Variants in MARCHF1 observed in about 807,000 individuals in gnomAD.
The protein encoded by MARCHF1 is E3 ubiquitin-protein ligase MARCHF1.
A neutral mutation model predicts 54.2 loss-of-function variants in MARCHF1; 40 were observed. The ratio of observed to expected loss-of-function variants is 0.74; its 90% CI spans 0.57 to 0.96. The LOEUF (loss-of-function observed/expected upper bound fraction) is 0.96. Among genes scored for constraint, MARCHF1 ranks in the 40% least tolerant of loss-of-function variants. The probability of loss-of-function intolerance (pLI) is 0.00; values close to 1 mark genes in which losing one functional copy is unlikely to be tolerated. For missense variants in MARCHF1, 586 were observed against 656.5 expected (o/e 0.89, Z 1.17); for synonymous variants, 236 against 236.3 (o/e 1.00, Z 0.01).
intron 3 of MARCHF1, among the ~76,000 whole-genome samples, chr4:163,876,036 T>C (rs1494285): frequency 0.85 from 128,616 of 152,132 alleles, 54,555 homozygotes; most frequent in East Asian, 0.97. Flanking sequence ...ATAAAAAACC[T>C]TTATTTGATT....
At chr4:164,095,717 AC>A (rs758661836) in intron 2 of MARCHF1, among the ~76,000 whole-genome samples, 7 of 152,080 alleles carry the variant, frequency 4.6e-5, no homozygotes, top group Admixed American at 6.6e-5. Flanking sequence ...CCAAAACTCA[AC>A]CAAAAAACTT....
intron 9 of MARCHF1, among the ~76,000 whole-genome samples, chr4:163,534,983 T>C: frequency 6.6e-6 from 1 of 152,012 alleles, no homozygotes; most frequent in East Asian, 1.9e-4. Context: ...TTTATACTTA[T>C]TTATAAATTT....
intron 5 of MARCHF1, among the ~76,000 whole-genome samples, chr4:163,650,571 A>T (rs1365316581): frequency 1.3e-5 from 2 of 151,998 alleles, no homozygotes; most frequent in African/African-American, 4.8e-5. Context: ...TAGTACATGT[A>T]CTATGTTAGT....
Position 163,659,707 on chromosome 4 carries a change from G to GA in MARCHF1, c.162+41105dup, listed in dbSNP as rs536386145. 5.4e-3 allele frequency among the ~76,000 whole-genome samples: 803 copies of GA among 147,994 alleles called. 5 individuals carry two copies. The highest frequency in any genetic ancestry group is 0.018 in the African/African-American group (749 of 40,688). On this transcript the variant is annotated intron_variant, in intron 5 of 9. Coordinates refer to ENST00000514618, the MANE Select transcript of MARCHF1 (RefSeq NM_001394959.1). ...ACAAGGAATTTAAACAAATTTACAA[G>GA]AAAAAAAAAACCCCATCAAAAAGTG... is the stretch of plus-strand genomic sequence containing the variant.
chr4:164,128,390 A>G (rs1024165290), intron 1 of MARCHF1, among the ~76,000 whole-genome samples: 1 of 152,132 alleles, frequency 6.6e-6, no homozygotes, highest in African/African-American at 2.4e-5. Flanking sequence ...CTCTCAGAAA[A>G]CAGTTATTAA....
rs1346424125 is a variant in MARCHF1 at position 163,665,268 on chromosome 4, A to G, written c.162+35545T>C. Among the ~76,000 whole-genome samples, 3 of 152,098 alleles carry G rather than the reference A, an allele frequency of 2.0e-5. No individual in the cohort carries two copies. The East Asian group carries it at 5.8e-4, about 29-fold the overall frequency. On this transcript the variant is annotated intron_variant, in intron 5 of 9. Coordinates refer to ENST00000514618, the MANE Select transcript of MARCHF1 (RefSeq NM_001394959.1). ...AATAATGATACAAATGCAAATTACA[A>G]TGTTTTTTAATTGCGTAAAAGGTTC...
At chr4:163,841,111 G>A (rs1292066665) in intron 4 of MARCHF1, among the ~76,000 whole-genome samples, 1 of 152,056 alleles carries the variant, frequency 6.6e-6, no homozygotes, top group African/African-American at 2.4e-5. Context: ...TAATACATGG[G>A]GACCAGGGAG....
At chr4:163,650,865 C>G (rs577058022) in intron 5 of MARCHF1, among the ~76,000 whole-genome samples, 21 of 151,796 alleles carry the variant, frequency 1.4e-4, no homozygotes, top group Admixed American at 1.4e-3. Context: ...ATGTTGTCGT[C>G]GTAGAAAGAA....
intron 4 of MARCHF1, among the ~76,000 whole-genome samples, chr4:163,850,287 A>T (rs539152895): frequency 1.3e-5 from 2 of 152,150 alleles, no homozygotes; most frequent in South Asian, 4.1e-4. Context: ...AGGTATCTGT[A>T]TCTGGGGAGA....
At chr4:164,008,556 A>C (rs1753345828) in intron 2 of MARCHF1, among the ~76,000 whole-genome samples, 1 of 152,138 alleles carries the variant, frequency 6.6e-6, no homozygotes, top group African/African-American at 2.4e-5. Context: ...TACATGGATC[A>C]ACCTCCAGAA....
intron 2 of MARCHF1, among the ~76,000 whole-genome samples, chr4:164,017,165 C>T (rs928234380): frequency 4.0e-5 from 6 of 151,880 alleles, no homozygotes; most frequent in African/African-American, 1.2e-4. Flanking sequence ...AGATGGGGCA[C>T]TCTCTCAACT....
At chr4:163,976,928 G>A (rs1752659703) in intron 3 of MARCHF1, among the ~76,000 whole-genome samples, 1 of 152,052 alleles carries the variant, frequency 6.6e-6, no homozygotes, top group African/African-American at 2.4e-5. Context: ...ACTGTGCACT[G>A]TTCAAATTTC....
intron 1 of MARCHF1, among the ~76,000 whole-genome samples, chr4:164,346,182 G>GAACT (rs1254884891): frequency 6.6e-6 from 1 of 152,074 alleles, no homozygotes; most frequent in Non-Finnish European, 1.5e-5. Flanking sequence ...GAGTTAAACA[G>GAACT]AACTAAACAG....
chr4:164,099,919 G>C (rs1560903542), intron 2 of MARCHF1, among the ~76,000 whole-genome samples: 1 of 152,116 alleles, frequency 6.6e-6, no homozygotes, highest in East Asian at 1.9e-4. Context: ...GAAGAAATAA[G>C]TGTATCTCTT....
intron 1 of MARCHF1, among the ~76,000 whole-genome samples, chr4:164,380,572 A>G (rs2110987679): frequency 6.6e-6 from 1 of 152,346 alleles, no homozygotes; most frequent in Admixed American, 6.5e-5. Flanking sequence ...GGAGTCATAA[A>G]TTGCAAAATG....
rs540158969 is a variant in MARCHF1 at position 164,264,978 on chromosome 4, G to A, written c.-323+118892C>T. ...TTTGCAAGTATTACCATTGTTGTGC[G>A]TTAAATTGTAGAAGTATTCCTAATT... is the stretch of plus-strand genomic sequence containing the variant. On this transcript the variant is annotated intron_variant, in intron 1 of 9. Coordinates refer to ENST00000514618, the MANE Select transcript of MARCHF1 (RefSeq NM_001394959.1). 1.9e-4 allele frequency among the ~76,000 whole-genome samples: 28 copies of A among 150,112 alleles called. 1 individual carries two copies. The highest frequency in any genetic ancestry group is 1.4e-3 in the East Asian group (7 of 5,148).
chr4:164,176,964 C>CCCTA (rs1367492961), intron 1 of MARCHF1, among the ~76,000 whole-genome samples: 14 of 47,726 alleles, frequency 2.9e-4, no homozygotes, highest in African/African-American at 1.4e-3. Flanking sequence ...CTCTCTCTCT[C>CCCTA]TCTCTCTCTC....
At chr4:163,931,196 C>T (rs1751665369) in intron 3 of MARCHF1, among the ~76,000 whole-genome samples, 1 of 152,138 alleles carries the variant, frequency 6.6e-6, no homozygotes, top group Admixed American at 6.6e-5. Context: ...GGACTTCTAG[C>T]CTCCAGAACT....
intron 1 of MARCHF1, among the ~76,000 whole-genome samples, chr4:164,175,424 T>C (rs924255419): frequency 1.3e-5 from 2 of 152,174 alleles, no homozygotes; most frequent in Admixed American, 1.3e-4. Flanking sequence ...TTACTTTTTT[T>C]CCCAAGGCAA....
Sources: gnomAD v4.1 joint callset for allele counts (sites outside exome capture counted in the v4.1 genomes callset) on GRCh38, gnomAD v4.1.1 for gene constraint, MANE v1.5 for transcripts, NCBI Gene and HGNC (gene_info 2026-07-23, HGNC 2026-07-21) for gene names.